The following CSMD1 variants were observed in gnomAD, a reference collection of about 807,000 sequenced individuals.
CSMD1 encodes CUB and sushi domain-containing protein 1.
Under a neutral mutation model 417.5 loss-of-function variants are expected in CSMD1, and 213 were observed. That is an observed-to-expected ratio of 0.51 (90% confidence interval 0.46 to 0.57). The LOEUF is 0.57. CSMD1 is among the 20% of genes least tolerant of loss of function. The pLI, the probability that CSMD1 is intolerant of heterozygous loss-of-function variation, is 0.00. For synonymous variants in CSMD1, 2,862 were observed against 1,736.8 expected (o/e 1.65, Z -16.11); for missense variants, 6,923 against 4,529.7 (o/e 1.53, Z -15.17).
At chr8:3,112,566 T>C (rs1203408435) in intron 42 of CSMD1, among the ~76,000 whole-genome samples, 1 of 152,190 alleles carries the variant, frequency 6.6e-6, no homozygotes. Context: ...TCTATCAAAT[T>C]CAAATAACAA....
At chr8:4,510,417 A>AAAAAAAAAAAAG (rs1802757327) in intron 2 of CSMD1, among the ~76,000 whole-genome samples, 15 of 110,160 alleles carry the variant, frequency 1.4e-4, no homozygotes, top group African/African-American at 4.8e-4. Context: ...AAAAAAAAAA[A>AAAAAAAAAAAAG]AAAAAGCAAA....
At chr8:4,216,627 G>T (rs969369288) in intron 3 of CSMD1, among the ~76,000 whole-genome samples, 2 of 152,118 alleles carry the variant, frequency 1.3e-5, no homozygotes, top group Admixed American at 1.3e-4. Context: ...GTGAATGCTG[G>T]GCCTCACAGC....
intron 3 of CSMD1, among the ~76,000 whole-genome samples, chr8:4,158,925 T>C (rs1327015674): frequency 2.6e-5 from 4 of 152,216 alleles, no homozygotes; most frequent in African/African-American, 4.8e-5. Flanking sequence ...ATAATTATTA[T>C]TTGTTTTTTG....
chr8:3,012,343 C>T lies in CSMD1; in HGVS notation c.8029+6134G>A, dbSNP rs147549100. Among the ~76,000 whole-genome samples, 501 of 152,278 alleles carry T rather than the reference C, an allele frequency of 3.3e-3. 1 individual carries two copies. The highest frequency in any genetic ancestry group is 0.011 in the African/African-American group (469 of 41,554). On this transcript the variant is annotated intron_variant, in intron 52 of 69. Transcript: ENST00000635120. ...ACAGCTGTCCTATAGTTGACATTCT[C>T]AAGACTCAGTCTGTCAACGCTCATC...
intron 1 of CSMD1, among the ~76,000 whole-genome samples, chr8:4,791,625 G>A (rs756325072): frequency 6.6e-6 from 1 of 152,094 alleles, no homozygotes; most frequent in East Asian, 1.9e-4. Flanking sequence ...CCAACGTAAG[G>A]GTTGAGCTCA....
chr8:4,134,232 G>C (rs775569531), intron 3 of CSMD1, among the ~76,000 whole-genome samples: 6 of 152,160 alleles, frequency 3.9e-5, no homozygotes, highest in Admixed American at 2.0e-4. Context: ...TGTCTCCCCA[G>C]AGTTCGTATG....
At chr8:3,962,993 G>C (rs1038358776) in intron 5 of CSMD1, among the ~76,000 whole-genome samples, 1 of 152,108 alleles carries the variant, frequency 6.6e-6, no homozygotes, top group Non-Finnish European at 1.5e-5. Flanking sequence ...CTGGAGTGCG[G>C]TGGAGCAATC....
intron 20 of CSMD1, among the ~76,000 whole-genome samples, chr8:3,364,946 G>A (rs926618915): frequency 6.6e-6 from 1 of 152,218 alleles, no homozygotes; most frequent in Non-Finnish European, 1.5e-5. Flanking sequence ...GCAGTAAAAT[G>A]AATAGAATTT....
At chr8:3,269,441 A>C (rs1178084558) in intron 26 of CSMD1, among the ~76,000 whole-genome samples, 1 of 152,240 alleles carries the variant, frequency 6.6e-6, no homozygotes, top group Non-Finnish European at 1.5e-5. Flanking sequence ...CTGTTCTGCC[A>C]TGGGCAGCAC....
chr8:3,208,681 T>C (rs898793073), intron 30 of CSMD1, among the ~76,000 whole-genome samples: 6 of 152,158 alleles, frequency 3.9e-5, no homozygotes, highest in Non-Finnish European at 7.4e-5. Flanking sequence ...TTTGAGTCAG[T>C]GGGCTGGGGA....
At chr8:3,243,897 A>G (rs1359496984) in intron 26 of CSMD1, among the ~76,000 whole-genome samples, 22 of 152,128 alleles carry the variant, frequency 1.4e-4, no homozygotes, top group Non-Finnish European at 2.9e-5. Flanking sequence ...TATTAAATGC[A>G]TGAACTACAT....
chr8:3,449,999 G>C (rs572146888), intron 12 of CSMD1, among the ~76,000 whole-genome samples: 160 of 152,332 alleles, frequency 1.1e-3, no homozygotes, highest in African/African-American at 3.7e-3. Context: ...ACGGGAGAGA[G>C]GGTCACCAGC....
intron 12 of CSMD1, among the ~76,000 whole-genome samples, chr8:3,462,067 G>C (rs1406432213): frequency 1.3e-5 from 2 of 152,074 alleles, no homozygotes; most frequent in Non-Finnish European, 2.9e-5. Flanking sequence ...CAGTGCTAGT[G>C]CTGGGCTGTA....
At chr8:4,333,062 T>C (rs759221847) in intron 3 of CSMD1, among the ~76,000 whole-genome samples, 8 of 152,082 alleles carry the variant, frequency 5.3e-5, no homozygotes, top group Non-Finnish European at 1.0e-4. Flanking sequence ...GTCAAGAGCG[T>C]TTCATAGAAA....
chr8:3,572,293 C>T (rs1799978457), intron 10 of CSMD1, among the ~76,000 whole-genome samples: 1 of 152,132 alleles, frequency 6.6e-6, no homozygotes. Context: ...GAGCCTGGGG[C>T]AGAAAGCAGG....
chr8:4,534,622 T>C (rs546023068), intron 2 of CSMD1, among the ~76,000 whole-genome samples: 1 of 152,146 alleles, frequency 6.6e-6, no homozygotes, highest in East Asian at 1.9e-4. Context: ...AAATGTCTAA[T>C]TTTCCCATTT....
chr8:3,174,770 C>G (rs558439925), intron 37 of CSMD1, among the ~76,000 whole-genome samples: 46 of 152,124 alleles, frequency 3.0e-4, no homozygotes, highest in African/African-American at 1.1e-3. Context: ...ATAGCTTTCT[C>G]TTTGGTTGGG....
At chr8:3,144,764 A>G (rs1216842572) in intron 40 of CSMD1, among the ~76,000 whole-genome samples, 1 of 147,334 alleles carries the variant, frequency 6.8e-6, no homozygotes. Flanking sequence ...AGAAAAAAAG[A>G]AAGAAAAAAA....
At chr8:4,972,320 G>A (rs558842135) in intron 1 of CSMD1, among the ~76,000 whole-genome samples, 5 of 152,146 alleles carry the variant, frequency 3.3e-5, no homozygotes, top group South Asian at 2.1e-4. Flanking sequence ...CCCTACTCCC[G>A]ATAATCCCCA....
Sources: gnomAD v4.1 joint callset for allele counts (sites outside exome capture counted in the v4.1 genomes callset) on GRCh38, gnomAD v4.1.1 for gene constraint, MANE v1.5 for transcripts, NCBI Gene and HGNC (gene_info 2026-07-23, HGNC 2026-07-21) for gene names.